GRM5: variants seen among roughly 807,000 people sequenced by gnomAD.
GRM5 encodes metabotropic glutamate receptor 5.
Under a neutral mutation model 83.1 loss-of-function variants are expected in GRM5, and 19 were observed. The observed-to-expected ratio is 0.23, with a 90% CI of 0.16 to 0.34. The LOEUF is 0.34. Ranked by LOEUF, GRM5 falls within the 10% of genes least tolerant of loss-of-function variation. The pLI is 1.00. For synonymous variants in GRM5, 675 were observed against 633.6 expected, an observed-to-expected ratio of 1.07 and a Z score of -0.98; for missense variants, 1,160 against 1,588.3, an observed-to-expected ratio of 0.73 and a Z score of 4.58.
chr11:88,899,434 G>A (rs553066871), intron 2 of GRM5, among the ~76,000 whole-genome samples: 15 of 151,878 alleles, frequency 9.9e-5, no homozygotes, highest in African/African-American at 2.9e-4. Context: ...ATTAGGAAGT[G>A]GATAATTCTG....
chr11:88,559,926 A>T (rs773806404), intron 8 of GRM5, among the ~76,000 whole-genome samples: 1 of 152,176 alleles, frequency 6.6e-6, no homozygotes. Flanking sequence ...AACTTAATGC[A>T]GTCTCAGAGG....
intron 3 of GRM5, among the ~76,000 whole-genome samples, chr11:88,701,749 T>C (rs551114187): frequency 6.6e-6 from 1 of 152,242 alleles, no homozygotes; most frequent in South Asian, 2.1e-4. Context: ...AATGCGTTCT[T>C]TAATTTGCAA....
intron 3 of GRM5, among the ~76,000 whole-genome samples, chr11:88,767,366 C>T (rs1409090420): frequency 6.6e-6 from 1 of 151,950 alleles, no homozygotes; most frequent in Non-Finnish European, 1.5e-5. Flanking sequence ...CATAAAAACA[C>T]ATGTATGTGT....
At chr11:88,723,417 T>C (rs1377584483) in intron 3 of GRM5, among the ~76,000 whole-genome samples, 2 of 152,146 alleles carry the variant, frequency 1.3e-5, no homozygotes, top group Non-Finnish European at 2.9e-5. Flanking sequence ...TGCTTGATAG[T>C]ATGGTAAGAG....
In GRM5 at chr11:88,978,513, A is replaced by T. The variant is rs1259892486; in HGVS notation, c.661+68699T>A. ...AAAAAAAAAAAAAAAAAAAAAAAAA[A>T]AAACCTCATAATGTCTTAAGAAAGT... On this transcript the variant is annotated intron_variant, in intron 2 of 9. Coordinates refer to ENST00000305447, the MANE Select transcript of GRM5 (RefSeq NM_001143831.3). Among the ~76,000 whole-genome samples the T allele has an allele frequency of 2.7e-3, 351 of 128,536 alleles. 6 individuals are homozygous for T. Among genetic ancestry groups the T allele is most frequent in the African/African-American group, 0.011 (345 of 32,494 alleles). The allele number at this position is 128,536 out of a possible 152,430, so 84.3% of individuals were successfully genotyped here. A position where few individuals can be genotyped will look rare whatever the true frequency, so the allele number is the denominator to read the frequency against.
intron 3 of GRM5, among the ~76,000 whole-genome samples, chr11:88,782,879 C>A (rs7939868): frequency 0.99 from 150,406 of 152,242 alleles, 74,321 homozygotes; most frequent in East Asian, 1. Flanking sequence ...TATGCCAAGC[C>A]GAGTGCTAAG....
intron 2 of GRM5, among the ~76,000 whole-genome samples, chr11:88,978,690 T>C (rs965340307): frequency 5.9e-5 from 9 of 151,846 alleles, no homozygotes; most frequent in African/African-American, 2.2e-4. Flanking sequence ...ATGTTGATGT[T>C]GGAGAGAAAA....
At chr11:88,810,787 A>G (rs538220550) in intron 3 of GRM5, among the ~76,000 whole-genome samples, 4 of 152,258 alleles carry the variant, frequency 2.6e-5, no homozygotes, top group South Asian at 2.1e-4. Flanking sequence ...TCATTGAATA[A>G]AAAAGAGTTT....
chr11:88,602,513 C>CCTG (rs1938027171), intron 5 of GRM5, among the ~76,000 whole-genome samples: 1 of 152,126 alleles, frequency 6.6e-6, no homozygotes, highest in African/African-American at 2.4e-5. Flanking sequence ...CCTTAATCAC[C>CCTG]CCAGGATCCT....
chr11:88,561,966 G>A (rs924214168), intron 8 of GRM5, among the ~76,000 whole-genome samples: 2 of 151,998 alleles, frequency 1.3e-5, no homozygotes, highest in African/African-American at 4.8e-5. Context: ...GATGAGAGGT[G>A]GAAATTTGCT....
rs1428600819 is a variant in GRM5, at chr11:88,508,526, T to C, written c.*66A>G. ...CGTAACCAGGCGACTATGCTTGCCA[T>C]TGTGTGTGTGTGAACACGGGGGGCT... On this transcript the variant is annotated 3_prime_UTR_variant, in exon 10 of 10. Coordinates refer to ENST00000305447, the MANE Select transcript of GRM5 (RefSeq NM_001143831.3). This position sits in a 1 kb window ranked among gnomAD's most constrained non-coding sequence, Gnocchi z 4.2. 4.6e-6 allele frequency: 6 copies of C among 1,310,000 alleles called. No individual in the cohort carries two copies. The Admixed American group carries it at 9.3e-5, about 20-fold the overall frequency. The allele number at this position is 1,310,000 out of a possible 1,614,324, so 81.1% of individuals were successfully genotyped here.
At chr11:88,991,151 C>T (rs1270327013) in intron 2 of GRM5, among the ~76,000 whole-genome samples, 2 of 152,120 alleles carry the variant, frequency 1.3e-5, no homozygotes, top group African/African-American at 4.8e-5. Flanking sequence ...AGCTGATAAG[C>T]AACTTCAGCA....
intron 4 of GRM5, among the ~76,000 whole-genome samples, chr11:88,639,265 C>T (rs1373953605): frequency 1.3e-5 from 2 of 152,146 alleles, no homozygotes; most frequent in Admixed American, 1.3e-4. Context: ...GGAGCCTCTA[C>T]ACATCTCCAG....
intron 3 of GRM5, among the ~76,000 whole-genome samples, chr11:88,730,356 T>TA (rs1941779807): frequency 6.6e-6 from 1 of 152,114 alleles, no homozygotes. Context: ...TGGCGATTAT[T>TA]AAAAAGTCAG....
chr11:88,649,835 A>G (rs1032370056), intron 4 of GRM5, among the ~76,000 whole-genome samples: 9 of 151,872 alleles, frequency 5.9e-5, no homozygotes, highest in African/African-American at 1.7e-4. Context: ...GGCTGAAAGA[A>G]TTATAGATGG....
intron 3 of GRM5, among the ~76,000 whole-genome samples, chr11:88,788,180 T>C (rs16914866): frequency 0.025 from 3,825 of 152,266 alleles, 169 homozygotes; most frequent in African/African-American, 0.088. Context: ...TGCATATAAA[T>C]TGTTAGCTCC....
intron 3 of GRM5, among the ~76,000 whole-genome samples, chr11:88,756,726 A>T (rs1222301339): frequency 6.6e-6 from 1 of 152,104 alleles, no homozygotes; most frequent in African/African-American, 2.4e-5. Context: ...GGACAATGGA[A>T]ATTATTGAGT....
At chr11:88,691,126 A>G (rs535364661) in intron 3 of GRM5, among the ~76,000 whole-genome samples, 1 of 152,220 alleles carries the variant, frequency 6.6e-6, no homozygotes, top group African/African-American at 2.4e-5. Flanking sequence ...TGGGCTGGGA[A>G]GAGGGCTGGA....
intron 1 of GRM5, among the ~76,000 whole-genome samples, chr11:89,064,164 C>T (rs1942053584): frequency 6.6e-6 from 1 of 152,172 alleles, no homozygotes; most frequent in Admixed American, 6.5e-5. Flanking sequence ...CTTCTTGCTG[C>T]CCTGACTACC....
Sources: gnomAD v4.1 joint callset for allele counts (sites outside exome capture counted in the v4.1 genomes callset) on GRCh38, gnomAD v4.1.1 for gene constraint, Gnocchi (gnomAD v3.1) non-coding constraint, MANE v1.5 for transcripts, NCBI Gene and HGNC (gene_info 2026-07-23, HGNC 2026-07-21) for gene names.